PPP1R1C: variants seen among roughly 807,000 people sequenced by gnomAD.
The protein encoded by PPP1R1C is protein phosphatase 1 regulatory inhibitor subunit 1C, also known as protein phosphatase 1 regulatory subunit 1C.
In PPP1R1C, 15 loss-of-function variants were observed where a neutral mutation model predicts 17.4. The observed-to-expected ratio is 0.86, with a 90% confidence interval of 0.58 to 1.33. The LOEUF is 1.33. PPP1R1C is among the 40% of genes most tolerant of loss of function. PPP1R1C has a pLI of 0.00. For missense variants in PPP1R1C, 143 were observed against 130.0 expected (o/e 1.10, Z -0.48); for synonymous variants, 35 against 43.1 (o/e 0.81, Z 0.73).
chr2:182,076,411 G>T (rs55771731), intron 4 of PPP1R1C, among the ~76,000 whole-genome samples: 1 of 150,688 alleles, frequency 6.6e-6, no homozygotes, highest in African/African-American at 2.4e-5. Flanking sequence ...GACCAAAAGA[G>T]AAATCCTCTC....
chr2:182,089,725 A>G (rs1688728362), intron 4 of PPP1R1C, among the ~76,000 whole-genome samples: 1 of 152,110 alleles, frequency 6.6e-6, no homozygotes, highest in Admixed American at 6.6e-5. Context: ...TCCTTTATTC[A>G]CAATAATCAT....
chr2:182,085,707 T>C (rs1688608136), intron 4 of PPP1R1C, among the ~76,000 whole-genome samples: 1 of 152,192 alleles, frequency 6.6e-6, no homozygotes, highest in South Asian at 2.1e-4. Flanking sequence ...ACAGAATCTA[T>C]TCTAGTTATA....
At chr2:182,019,039 T>C (rs1686340124) in intron 2 of PPP1R1C, among the ~76,000 whole-genome samples, 1 of 152,172 alleles carries the variant, frequency 6.6e-6, no homozygotes, top group Non-Finnish European at 1.5e-5. Flanking sequence ...TAAACACAGA[T>C]AGTGAATGCA....
At chr2:182,106,950 G>C (rs1689272082) in intron 4 of PPP1R1C, among the ~76,000 whole-genome samples, 1 of 152,064 alleles carries the variant, frequency 6.6e-6, no homozygotes, top group East Asian at 1.9e-4. Context: ...GGGGTATAAG[G>C]AAAAACTCCT....
chr2:181,970,106 T>G (rs1684977500), intron 1 of PPP1R1C, among the ~76,000 whole-genome samples: 1 of 152,192 alleles, frequency 6.6e-6, no homozygotes, highest in Non-Finnish European at 1.5e-5. Flanking sequence ...GTCTCCAGGA[T>G]TGGTCCATGG....
chr2:182,036,216 A>C (rs1687000214), intron 2 of PPP1R1C, among the ~76,000 whole-genome samples: 2 of 152,212 alleles, frequency 1.3e-5, no homozygotes, highest in South Asian at 4.2e-4. Flanking sequence ...CCTCTTGAGG[A>C]CTCAGTTGCT....
chr2:182,111,268 G>A (rs987088192), intron 4 of PPP1R1C, among the ~76,000 whole-genome samples: 2 of 152,082 alleles, frequency 1.3e-5, no homozygotes, highest in African/African-American at 2.4e-5. Flanking sequence ...ACATAAACAT[G>A]TTGTCCCTAT....
intron 1 of PPP1R1C, among the ~76,000 whole-genome samples, chr2:181,960,005 G>C (rs1684738335): frequency 6.6e-6 from 1 of 152,174 alleles, no homozygotes; most frequent in African/African-American, 2.4e-5. Flanking sequence ...TGTGATTCTT[G>C]TGTTAATTTT....
chr2:181,962,521 C>G lies in PPP1R1C; in HGVS notation n.111+7887C>G, dbSNP rs1684820183. 1 of 627,424 alleles carries G rather than the reference C, an allele frequency of 1.6e-6. No individual in the cohort carries two copies. Among genetic ancestry groups the G allele is most frequent in the South Asian group, 1.7e-5 (1 of 58,694 alleles). 38.9% of individuals were successfully genotyped at this position (627,424 alleles called of 1,614,324 possible). ...GTGAGAGGACAGGACTCAGGCTTTG[C>G]CGACCCGTCATAGCAGTTTTCTAAG... On this transcript the variant is annotated intron_variant and non_coding_transcript_variant, in intron 1 of 5. Transcript: ENST00000464264. The surrounding 1 kb of genome is among the most constrained non-coding windows in gnomAD (Gnocchi z 6.0).
intron 2 of PPP1R1C, among the ~76,000 whole-genome samples, chr2:181,994,167 T>A (rs1320426700): frequency 6.6e-6 from 1 of 152,128 alleles, no homozygotes; most frequent in Non-Finnish European, 1.5e-5. Context: ...TCTTAAGATT[T>A]TTTTAAAATA....
chr2:182,012,512 T>C (rs1220914948), intron 2 of PPP1R1C, among the ~76,000 whole-genome samples: 2 of 152,072 alleles, frequency 1.3e-5, no homozygotes, highest in African/African-American at 4.8e-5. Context: ...ATAGGTGAAG[T>C]GTGTTTCTTG....
chr2:182,124,339 GT>G (rs1378403544), intron 5 of PPP1R1C, among the ~76,000 whole-genome samples: 86 of 52,160 alleles, frequency 1.6e-3, no homozygotes, highest in African/African-American at 4.6e-3. Context: ...TTTTTTTTTT[GT>G]TTTTTTTTTT....
chr2:182,098,727 T>C (rs911209335), intron 4 of PPP1R1C, among the ~76,000 whole-genome samples: 2 of 152,204 alleles, frequency 1.3e-5, no homozygotes, highest in African/African-American at 2.4e-5. Flanking sequence ...ATTTCCATAA[T>C]GTATGGGAAA....
At chr2:182,100,800 C>A (rs1689078086) in intron 4 of PPP1R1C, among the ~76,000 whole-genome samples, 1 of 152,170 alleles carries the variant, frequency 6.6e-6, no homozygotes, top group African/African-American at 2.4e-5. Context: ...CAGGAGCAAA[C>A]AATATCTTAT....
rs572361304 is a variant in PPP1R1C, at chr2:182,070,878, T to C, written c.241+7087T>C. On this transcript the variant is annotated intron_variant, in intron 4 of 4. Transcript: ENST00000682840. ...GAGCCAGCACTTTCCATGGCTGGAG[T>C]AGGAGGAAGAGAGGGAGGAGGGGGT... Among the ~76,000 whole-genome samples, 6 of 151,444 alleles carry C rather than the reference T, an allele frequency of 4.0e-5. No homozygotes were observed. The South Asian group carries it at 1.3e-3, about 32-fold the overall frequency.
intron 2 of PPP1R1C, among the ~76,000 whole-genome samples, chr2:182,042,208 A>T (rs1466960218): frequency 6.6e-6 from 1 of 152,230 alleles, no homozygotes; most frequent in South Asian, 2.1e-4. Context: ...TTCAATTAAC[A>T]TTAAAGAAGA....
chr2:181,978,630 G>T (rs75536106), intron 2 of PPP1R1C, among the ~76,000 whole-genome samples: 1,934 of 152,238 alleles, frequency 0.013, 54 homozygotes, highest in African/African-American at 0.043. Flanking sequence ...AGTCCTAGCT[G>T]GAGGGACTGG....
At chr2:181,964,805 A>T (rs1172302992) in intron 1 of PPP1R1C, among the ~76,000 whole-genome samples, 1 of 152,138 alleles carries the variant, frequency 6.6e-6, no homozygotes, top group East Asian at 1.9e-4. Flanking sequence ...TCCCGGGTTC[A>T]AGAGATTCTC....
intron 1 of PPP1R1C, among the ~76,000 whole-genome samples, chr2:181,966,871 A>ATTT (rs1684913806): frequency 6.6e-6 from 1 of 152,162 alleles, no homozygotes; most frequent in Non-Finnish European, 1.5e-5. Context: ...GAATAGTTTG[A>ATTT]GTAGGATTGG....
Sources: allele counts gnomAD v4.1 joint callset (sites outside exome capture counted in the v4.1 genomes callset), GRCh38; gene constraint gnomAD v4.1.1; non-coding constraint Gnocchi (gnomAD v3.1); transcripts MANE v1.5; gene names NCBI Gene and HGNC (gene_info 2026-07-23, HGNC 2026-07-21).